Variants in PFKFB3 observed in about 807,000 individuals in gnomAD.
PFKFB3 encodes the protein 6-phosphofructo-2-kinase/fructose-2,6-biphosphatase 3.
In PFKFB3, 33 loss-of-function variants were observed where a neutral mutation model predicts 68.0. The ratio of observed to expected loss-of-function variants is 0.49; its 90% CI spans 0.37 to 0.65. The LOEUF (loss-of-function observed/expected upper bound fraction) is 0.65, where lower values mean the gene tolerates loss of function less well. Ranked by LOEUF, PFKFB3 falls within the 30% of genes least tolerant of loss-of-function variation. PFKFB3 has a pLI of 0.00. For missense variants in PFKFB3, 586 were observed against 712.2 expected, an observed-to-expected ratio of 0.82 and a Z score of 2.02; for synonymous variants, 315 against 288.2, an observed-to-expected ratio of 1.09 and a Z score of -0.94.
rs1446093615 is a variant in PFKFB3, at chr10:6,229,884, G to A, written c.1516-3011G>A. Among the ~76,000 whole-genome samples the A allele has an allele frequency of 1.3e-5, 2 of 152,166 alleles. No individual in the cohort carries two copies. Among genetic ancestry groups the A allele is most frequent in the Non-Finnish European group, 2.9e-5 (2 of 68,038 alleles). ...TTAGATTCTCTGAAGGGAACGCACA[G>A]CCTAGATCCCTCGTGTGTGCTCCTC... On this transcript the variant is annotated intron_variant, in intron 14 of 14. Coordinates refer to ENST00000379775, the MANE Select transcript of PFKFB3 (RefSeq NM_004566.4). This position sits in a 1 kb window ranked among gnomAD's most constrained non-coding sequence, Gnocchi z 4.3.
Position 6,212,180 on chromosome 10 carries a change from C to T in PFKFB3, c.77-1443C>T, listed in dbSNP as rs574055536. Among the ~76,000 whole-genome samples, 19 of 152,354 alleles carry T rather than the reference C, an allele frequency of 1.2e-4. No individual in the cohort carries two copies. The South Asian group carries it at 3.5e-3, about 28-fold the overall frequency. ...AACCACGTGGCAGTGAGTGCTGGGCCGTGCCGCCCAGGCGGGAGCTGGCGG... is the reference window on the plus strand; with the variant it reads ...AACCACGTGGCAGTGAGTGCTGGGCTGTGCCGCCCAGGCGGGAGCTGGCGG... On this transcript the variant is annotated intron_variant, in intron 1 of 14. Transcript: ENST00000379775.
At chr10:6,253,968 CA>C (rs909329600) in intron 14 of PFKFB3, among the ~76,000 whole-genome samples, 9 of 152,130 alleles carry the variant, frequency 5.9e-5, no homozygotes, top group Non-Finnish European at 1.0e-4. Flanking sequence ...CGCTTGAACC[CA>C]GGAGGAAGAG....
At chr10:6,250,501 G>A (rs951950072) in intron 14 of PFKFB3, among the ~76,000 whole-genome samples, 8 of 151,778 alleles carry the variant, frequency 5.3e-5, no homozygotes, top group African/African-American at 1.9e-4. Flanking sequence ...AACCTGGGAG[G>A]CAGAGCTTGC....
intron 1 of PFKFB3, among the ~76,000 whole-genome samples, chr10:6,177,399 T>TCTTTCTTTCTTTCTTC (rs1842519829): frequency 7.5e-6 from 1 of 132,836 alleles, no homozygotes; most frequent in East Asian, 2.4e-4. Context: ...TTTCTTTCTT[T>TCTTTCTTTCTTTCTTC]CTTTCTTTCT....
At chr10:6,318,989 G>A in the PFKFB3 span, among the ~76,000 whole-genome samples, 2 of 152,046 alleles carry the variant, frequency 1.3e-5, no homozygotes, top group South Asian at 2.1e-4. Flanking sequence ...ACCCTAACAC[G>A]GAGGCTAGCA....
the PFKFB3 span, among the ~76,000 whole-genome samples, chr10:6,276,787 A>T: frequency 6.6e-6 from 1 of 151,842 alleles, no homozygotes; most frequent in South Asian, 2.1e-4. Flanking sequence ...CACAACCATG[A>T]TATTGAGATT....
Position 6,177,389 on chromosome 10 carries a change from T to TTTCTTTC in PFKFB3, c.16+32379_16+32385dup, listed in dbSNP as rs1554842899. On this transcript the variant is annotated intron_variant, in intron 1 of 14. Coordinates refer to the PFKFB3 transcript ENST00000379789. ...CTTTCTTTCTTTCTTTCTTTCTTTC[T>TTTCTTTC]TTCTTTCTTTCTTTCTTTCTTCTTT... 1.2e-3 allele frequency among the ~76,000 whole-genome samples: 146 copies of TTTCTTTC among 123,078 alleles called. 2 individuals are homozygous for TTTCTTTC. Among genetic ancestry groups the TTTCTTTC allele is most frequent in the Middle Eastern group, 4.0e-3 (1 of 250 alleles). The allele number at this position is 123,078 out of a possible 152,430, so 80.7% of individuals were successfully genotyped here.
chr10:6,228,414 T>C lies in PFKFB3; in HGVS notation c.1515+2049T>C, dbSNP rs952742451. 1.5e-5 allele frequency: 10 copies of C among 659,896 alleles called. No individual in the cohort carries two copies. The highest frequency in any genetic ancestry group is 2.7e-5 in the Non-Finnish European group (10 of 365,754). The allele number at this position is 659,896 out of a possible 1,614,324, so 40.9% of individuals were successfully genotyped here. ...TTTTGGAAAAGCGTGCAGGCGGTCA[T>C]GGTGGCTGCACTACTGTTGGGTGTG... On this transcript the variant is annotated intron_variant, in intron 14 of 14. Transcript: ENST00000379775. The surrounding 1 kb of genome is among the most constrained non-coding windows in gnomAD (Gnocchi z 4.5).
At position 6,229,520 on chromosome 10, in the gene PFKFB3, AC is replaced by A. The variant is rs1845594104; in HGVS notation, c.1515+3160del. Among the ~76,000 whole-genome samples the A allele has an allele frequency of 2.0e-5, 3 of 151,556 alleles. No individual in the cohort carries two copies. The South Asian group carries it at 6.3e-4, about 32-fold the overall frequency. Reference sequence around the variant, plus strand: ...TGGACCCTCGTGTACCCCCACAGCCACCCCCTTGCAGCTGCTTCCCACAGCC... The same window carrying A: ...TGGACCCTCGTGTACCCCCACAGCCACCCCTTGCAGCTGCTTCCCACAGCC... On this transcript the variant is annotated intron_variant, in intron 14 of 14. Transcript: ENST00000379775. This position sits in a 1 kb window ranked among gnomAD's most constrained non-coding sequence, Gnocchi z 4.3.
At chr10:6,295,942 T>C in the PFKFB3 span, among the ~76,000 whole-genome samples, 1 of 152,216 alleles carries the variant, frequency 6.6e-6, no homozygotes, top group Non-Finnish European at 1.5e-5. Context: ...CAAGCTAGTT[T>C]ACACTGAGCC....
chr10:6,183,740 T>C (rs1406369016), intron 1 of PFKFB3, among the ~76,000 whole-genome samples: 3 of 150,586 alleles, frequency 2.0e-5, no homozygotes, highest in East Asian at 1.9e-4. Context: ...CAGGCTGGAG[T>C]GCAGTGGCGT....
downstream of PFKFB3, among the ~76,000 whole-genome samples, chr10:6,259,204 C>T (rs61839413): frequency 5.2e-3 from 82 of 15,886 alleles, no homozygotes; most frequent in Admixed American, 2.8e-3. Flanking sequence ...TCCATCCATC[C>T]ATCCATCCAT....
intron 1 of PFKFB3, among the ~76,000 whole-genome samples, chr10:6,195,643 G>C (rs571342177): frequency 2.0e-5 from 3 of 152,180 alleles, no homozygotes; most frequent in African/African-American, 4.8e-5. Flanking sequence ...GATAAACGTG[G>C]TTCACTTCCA....
At chr10:6,245,099 CTTAT>C (rs1846225362) in intron 14 of PFKFB3, among the ~76,000 whole-genome samples, 1 of 152,042 alleles carries the variant, frequency 6.6e-6, no homozygotes, top group African/African-American at 2.4e-5. Context: ...GTCTAGCTCT[CTTAT>C]TTATTTATTT....
chr10:6,226,420 CA>C, intron 14 of PFKFB3, 55 bp downstream of exon 14: 5 of 1,532,056 alleles, frequency 3.3e-6, no homozygotes, highest in Non-Finnish European at 4.4e-6. Flanking sequence ...GGCGTGATGC[CA>C]CAGATCTGGG....
At chr10:6,226,120 T>G (rs1279446504) in intron 13 of PFKFB3, 72 bp from the exon 14 acceptor site, 18 of 1,398,910 alleles carry the variant, frequency 1.3e-5, no homozygotes, top group South Asian at 6.9e-5. Flanking sequence ...GCAGAGAAAC[T>G]TTTTTGGGGC....
chr10:6,313,911 C>T, the PFKFB3 span, among the ~76,000 whole-genome samples: 67 of 152,236 alleles, frequency 4.4e-4, no homozygotes, highest in African/African-American at 1.4e-3. This position sits in a 1 kb window ranked among gnomAD's most constrained non-coding sequence, Gnocchi z 4.2. Context: ...CTCCCCCTGC[C>T]GCTGCCTCGC....
rs559082648 is a variant in PFKFB3, at chr10:6,229,579, A to C, written c.1515+3214A>C. Among the ~76,000 whole-genome samples, 1 of 151,856 alleles carries C rather than the reference A, an allele frequency of 6.6e-6. No individual in the cohort carries two copies. Among genetic ancestry groups the C allele is most frequent in the East Asian group, 1.9e-4 (1 of 5,162 alleles). On this transcript the variant is annotated intron_variant, in intron 14 of 14. Transcript: ENST00000379775. The surrounding 1 kb of genome is among the most constrained non-coding windows in gnomAD (Gnocchi z 4.3). ...GCTTACCTAAGGTGGGCCTGCCCTT[A>C]ACTTCCAGCTTCTTGGGGCGCACCC... is the stretch of plus-strand genomic sequence containing the variant.
chr10:6,314,739 G>A, the PFKFB3 span, among the ~76,000 whole-genome samples: 5 of 152,288 alleles, frequency 3.3e-5, no homozygotes, highest in East Asian at 7.7e-4. Flanking sequence ...GGGAATGGCC[G>A]GGTCGAAGGG....
Sources: allele counts gnomAD v4.1 joint callset (sites outside exome capture counted in the v4.1 genomes callset), GRCh38; gene constraint gnomAD v4.1.1; non-coding constraint Gnocchi (gnomAD v3.1); transcripts MANE v1.5; gene names NCBI Gene and HGNC (gene_info 2026-07-23, HGNC 2026-07-21).